Variants in BCAS3 observed in about 807,000 individuals in gnomAD.
BCAS3 encodes BCAS3 microtubule associated cell migration factor.
In BCAS3, 53 loss-of-function variants were observed where a neutral mutation model predicts 116.1. The observed-to-expected ratio is 0.46, with a 90% CI of 0.37 to 0.57. BCAS3 has a LOEUF of 0.57. Ranked by LOEUF, BCAS3 falls within the 20% of genes least tolerant of loss-of-function variation. The probability of loss-of-function intolerance (pLI) is 0.00; values close to 1 mark genes in which losing one functional copy is unlikely to be tolerated. For synonymous variants in BCAS3, 391 were observed against 408.2 expected, an observed-to-expected ratio of 0.96 and a Z score of 0.51; for missense variants, 917 against 1,165.4, an observed-to-expected ratio of 0.79 and a Z score of 3.10.
At chr17:60,938,435 G>A (rs545858393) in intron 13 of BCAS3, among the ~76,000 whole-genome samples, 9 of 152,200 alleles carry the variant, frequency 5.9e-5, no homozygotes, top group Non-Finnish European at 1.2e-4. Flanking sequence ...TTCAACAAAT[G>A]GTGCTAGAAC....
intron 10 of BCAS3, among the ~76,000 whole-genome samples, chr17:60,899,502 A>AT (rs1343512089): frequency 1.3e-3 from 188 of 149,628 alleles, no homozygotes; most frequent in African/African-American, 4.4e-3. Context: ...ACAGCCTGAG[A>AT]TTTTTTTTTT....
chr17:60,761,145 A>C (rs2043487106), intron 6 of BCAS3, among the ~76,000 whole-genome samples: 1 of 151,938 alleles, frequency 6.6e-6, no homozygotes, highest in Admixed American at 6.6e-5. Flanking sequence ...ATTGTTTTTC[A>C]GAACTCTCTT....
intron 14 of BCAS3, among the ~76,000 whole-genome samples, chr17:60,981,072 G>T (rs1403578269): frequency 5.9e-5 from 9 of 152,054 alleles, no homozygotes; most frequent in Admixed American, 5.9e-4. Context: ...CTGGCCTCCA[G>T]CAGTCCTCCC....
intron 22 of BCAS3, among the ~76,000 whole-genome samples, chr17:61,129,468 G>C (rs1555732327): frequency 6.6e-6 from 1 of 152,204 alleles, no homozygotes; most frequent in Non-Finnish European, 1.5e-5. Flanking sequence ...TTTGTAAGAT[G>C]GACGTTTTAT....
chr17:61,101,344 C>T (rs941145943), intron 22 of BCAS3, among the ~76,000 whole-genome samples: 2 of 152,054 alleles, frequency 1.3e-5, no homozygotes, highest in Non-Finnish European at 2.9e-5. Context: ...ACTTAAGAAT[C>T]GTGATAGGCC....
intron 22 of BCAS3, among the ~76,000 whole-genome samples, chr17:61,283,767 T>A (rs535166051): frequency 6.4e-4 from 97 of 151,958 alleles, no homozygotes; most frequent in South Asian, 4.8e-3. Flanking sequence ...ATTGATTTTT[T>A]AAAAAAAAAT....
At chr17:60,878,438 C>CT (rs2055822593) in intron 9 of BCAS3, among the ~76,000 whole-genome samples, 1 of 152,038 alleles carries the variant, frequency 6.6e-6, no homozygotes, top group Non-Finnish European at 1.5e-5. Context: ...CTATAATGTC[C>CT]TTTTTTTGTC....
At chr17:60,691,012 A>C (rs188365474) in intron 4 of BCAS3, among the ~76,000 whole-genome samples, 103 of 152,178 alleles carry the variant, frequency 6.8e-4, no homozygotes, top group African/African-American at 2.3e-3. Flanking sequence ...GGCTTACTGC[A>C]ACCTGCGCCT....
rs1277745434 is a variant in BCAS3, at chr17:61,180,204, G to C, written c.2425+95640G>C. On this transcript the variant is annotated intron_variant, in intron 22 of 23. Transcript: ENST00000407086. The surrounding 1 kb of genome is among the most constrained non-coding windows in gnomAD (Gnocchi z 6.0). ...ATGAAGGACCGATTAAAAGCTCAGA[G>C]AAGCTGTCGTACATTTTTATATTAA... 6.6e-6 allele frequency among the ~76,000 whole-genome samples: 1 copy of C among 152,136 alleles called. No homozygotes were observed. The highest frequency in any genetic ancestry group is 1.5e-5 in the Non-Finnish European group (1 of 68,022).
chr17:61,283,285 T>C (rs1218067984), intron 22 of BCAS3, among the ~76,000 whole-genome samples: 1 of 152,258 alleles, frequency 6.6e-6, no homozygotes, highest in Non-Finnish European at 1.5e-5. Context: ...GTTAGCTTCA[T>C]CCACCAGACA....
chr17:60,726,151 T>C (rs2039818952), intron 5 of BCAS3, among the ~76,000 whole-genome samples: 1 of 150,308 alleles, frequency 6.7e-6, no homozygotes, highest in Non-Finnish European at 1.5e-5. Context: ...CGCCTTGGCC[T>C]CCCAAAGTGC....
chr17:61,116,301 A>G (rs530539380), intron 22 of BCAS3, among the ~76,000 whole-genome samples: 10 of 152,194 alleles, frequency 6.6e-5, no homozygotes, highest in Non-Finnish European at 1.5e-4. Context: ...ATGATCCTTT[A>G]TGTATCTTTA....
chr17:61,249,028 G>A lies in BCAS3; in HGVS notation c.2426-119299G>A, dbSNP rs1164820815. Reference sequence around the variant, plus strand: ...TGGCTGGGCTTGGTGGCTCACGCCTGTAATCCCAGAACTTTGGGAGGCCGA... The same window carrying A: ...TGGCTGGGCTTGGTGGCTCACGCCTATAATCCCAGAACTTTGGGAGGCCGA... On this transcript the variant is annotated intron_variant, in intron 22 of 23. Transcript: ENST00000407086. The surrounding 1 kb of genome is among the most constrained non-coding windows in gnomAD (Gnocchi z 6.2). 6.6e-6 allele frequency among the ~76,000 whole-genome samples: 1 copy of A among 152,168 alleles called. No homozygotes were observed. The highest frequency in any genetic ancestry group is 6.5e-5 in the Admixed American group (1 of 15,276).
intron 10 of BCAS3, among the ~76,000 whole-genome samples, chr17:60,890,991 ATCTG>A (rs765394696): frequency 6.6e-5 from 10 of 152,342 alleles, no homozygotes; most frequent in Non-Finnish European, 1.2e-4. Flanking sequence ...TTATCCATAA[ATCTG>A]TCTAACTACT....
At position 61,104,926 on chromosome 17, in the gene BCAS3, G is replaced by C. The variant is rs1184657689; in HGVS notation, c.2425+20362G>C. On this transcript the variant is annotated intron_variant, in intron 22 of 23. Coordinates refer to ENST00000407086, the MANE Select transcript of BCAS3 (RefSeq NM_017679.5). This position sits in a 1 kb window ranked among gnomAD's most constrained non-coding sequence, Gnocchi z 4.1. ...AGTAGTGTCTTTTGCTAGTGTACCAGGTTGTTTAATAAAACTAGGAATAGC... is the reference window on the plus strand; with the variant it reads ...AGTAGTGTCTTTTGCTAGTGTACCACGTTGTTTAATAAAACTAGGAATAGC... 6.6e-6 allele frequency among the ~76,000 whole-genome samples: 1 copy of C among 152,126 alleles called. No homozygotes were observed. Among genetic ancestry groups the C allele is most frequent in the Non-Finnish European group, 1.5e-5 (1 of 68,012 alleles).
intron 22 of BCAS3, among the ~76,000 whole-genome samples, chr17:61,183,074 T>C (rs1326276909): frequency 6.6e-6 from 1 of 152,254 alleles, no homozygotes; most frequent in Non-Finnish European, 1.5e-5. Context: ...AAGAACCTTC[T>C]TTCAGGATCC....
chr17:60,686,711 A>T (rs1456808543), intron 3 of BCAS3, among the ~76,000 whole-genome samples: 1 of 152,066 alleles, frequency 6.6e-6, no homozygotes, highest in African/African-American at 2.4e-5. Context: ...TTTTTAGTAG[A>T]AACGGGGTTT....
chr17:60,874,812 CTG>C (rs2055443037), intron 9 of BCAS3, 74 bp downstream of exon 9: 3 of 897,140 alleles, frequency 3.3e-6, no homozygotes, highest in Non-Finnish European at 5.2e-6. Context: ...AGCAAACTAA[CTG>C]TAATTTTCTC....
chr17:60,741,722 A>G (rs1480316318), intron 5 of BCAS3, among the ~76,000 whole-genome samples: 1 of 152,208 alleles, frequency 6.6e-6, no homozygotes, highest in East Asian at 1.9e-4. Context: ...AATATTGGCT[A>G]GGATGTGGAG....
Sources: allele counts gnomAD v4.1 joint callset (sites outside exome capture counted in the v4.1 genomes callset), GRCh38; gene constraint gnomAD v4.1.1; non-coding constraint Gnocchi (gnomAD v3.1); transcripts MANE v1.5; gene names NCBI Gene and HGNC (gene_info 2026-07-23, HGNC 2026-07-21).